SETBP1: variants seen among roughly 807,000 people sequenced by gnomAD.
SETBP1 encodes SET-binding protein.
A neutral mutation model predicts 101.0 loss-of-function variants in SETBP1; 9 were observed. The observed-to-expected ratio is 0.09, with a 90% CI of 0.05 to 0.16. The LOEUF is 0.16. Among genes scored for constraint, SETBP1 ranks in the 10% least tolerant of loss-of-function variants. The pLI is 1.00. For missense variants in SETBP1, 1,858 were observed against 2,033.8 expected (o/e 0.91, Z 1.66); for synonymous variants, 818 against 788.5 (o/e 1.04, Z -0.63).
intron 2 of SETBP1, among the ~76,000 whole-genome samples, chr18:44,824,396 T>G (rs2072187396): frequency 6.6e-6 from 1 of 152,184 alleles, no homozygotes; most frequent in South Asian, 2.1e-4. Context: ...TATGATTCAC[T>G]TGGGTTATTG....
At chr18:44,747,290 A>G (rs2070277200) in intron 2 of SETBP1, among the ~76,000 whole-genome samples, 1 of 152,216 alleles carries the variant, frequency 6.6e-6, no homozygotes, top group Admixed American at 6.5e-5. Context: ...TAAAGTTTAT[A>G]TTTAGAACAA....
At chr18:44,704,614 A>G (rs1298788303) in intron 2 of SETBP1, among the ~76,000 whole-genome samples, 1 of 152,240 alleles carries the variant, frequency 6.6e-6, no homozygotes, top group East Asian at 1.9e-4. Context: ...CTATGGGATG[A>G]GAATGTTAAC....
At chr18:44,995,351 C>T (rs1449535240) in intron 4 of SETBP1, among the ~76,000 whole-genome samples, 2 of 151,994 alleles carry the variant, frequency 1.3e-5, no homozygotes, top group African/African-American at 4.8e-5. Flanking sequence ...CAGTGTTAGC[C>T]AGGACGGTCT....
At chr18:44,860,133 C>A (rs2068970811) in intron 2 of SETBP1, among the ~76,000 whole-genome samples, 1 of 152,170 alleles carries the variant, frequency 6.6e-6, no homozygotes, top group Non-Finnish European at 1.5e-5. Flanking sequence ...GTGAGCAGAT[C>A]ATCTGGTCAG....
At chr18:44,875,457 G>T (rs1358690088) in intron 3 of SETBP1, among the ~76,000 whole-genome samples, 4 of 148,722 alleles carry the variant, frequency 2.7e-5, no homozygotes, top group Non-Finnish European at 5.9e-5. Context: ...GGAGGAGGTT[G>T]CCGAGATCGG....
At chr18:44,825,276 G>A (rs2072212443) in intron 2 of SETBP1, among the ~76,000 whole-genome samples, 1 of 152,204 alleles carries the variant, frequency 6.6e-6, no homozygotes, top group South Asian at 2.1e-4. Context: ...GGAGCTACCT[G>A]GCTCCTTCAA....
intron 2 of SETBP1, among the ~76,000 whole-genome samples, chr18:44,832,602 G>A (rs889970321): frequency 1.3e-5 from 2 of 152,190 alleles, no homozygotes; most frequent in African/African-American, 4.8e-5. Flanking sequence ...TATTTGCTAG[G>A]TAATGCTGAC....
chr18:44,877,093 G>C, intron 3 of SETBP1: 1 of 1,021,350 alleles, frequency 9.8e-7, no homozygotes, highest in African/African-American at 1.7e-5. Flanking sequence ...CCTTGTATCA[G>C]CTATGCCATG....
chr18:44,835,021 C>T (rs2072467546), intron 2 of SETBP1, among the ~76,000 whole-genome samples: 1 of 152,116 alleles, frequency 6.6e-6, no homozygotes. Flanking sequence ...GGAGGGAGAT[C>T]TTTATCAGAG....
intron 3 of SETBP1, among the ~76,000 whole-genome samples, chr18:44,881,367 G>T (rs1399070155): frequency 1.3e-5 from 2 of 152,138 alleles, no homozygotes; most frequent in Non-Finnish European, 2.9e-5. Flanking sequence ...ACGGGAGGGT[G>T]CTGGCAAAAA....
intron 4 of SETBP1, among the ~76,000 whole-genome samples, chr18:45,036,930 G>A (rs1001314363): frequency 6.6e-6 from 1 of 152,326 alleles, no homozygotes; most frequent in Admixed American, 6.5e-5. Flanking sequence ...GACATTAATA[G>A]CTGTATGAGT....
At chr18:44,799,368 T>C (rs2071550202) in intron 2 of SETBP1, among the ~76,000 whole-genome samples, 2 of 152,076 alleles carry the variant, frequency 1.3e-5, no homozygotes, top group Admixed American at 1.3e-4. Context: ...AGATCAAGTA[T>C]AGGTTTTTTT....
chr18:44,999,619 A>G (rs2072573720), intron 4 of SETBP1, among the ~76,000 whole-genome samples: 1 of 152,218 alleles, frequency 6.6e-6, no homozygotes, highest in Non-Finnish European at 1.5e-5. Context: ...CCTCAGAGAT[A>G]ACTCGCAACG....
Position 44,946,787 on chromosome 18 carries a change from G to A in SETBP1, c.541-3094G>A, listed in dbSNP as rs145220654. ...AGTCTCTGACCTCAAAGTACTTATA[G>A]TCTAGGAAAAGGAGACAGAAAAGTA... On this transcript the variant is annotated intron_variant, in intron 3 of 5. Transcript: ENST00000649279. 1.1e-3 allele frequency among the ~76,000 whole-genome samples: 168 copies of A among 152,264 alleles called. 1 individual carries two copies. Among genetic ancestry groups the A allele is most frequent in the African/African-American group, 3.9e-3 (164 of 41,544 alleles).
chr18:44,988,868 G>T (rs1185906344), intron 4 of SETBP1: 1 of 152,144 alleles, frequency 6.6e-6, no homozygotes, highest in Non-Finnish European at 1.5e-5. Context: ...GGTCAGGGGA[G>T]CAGGGTCAAA....
At chr18:44,896,579 G>A (rs559190057) in intron 3 of SETBP1, among the ~76,000 whole-genome samples, 2 of 152,056 alleles carry the variant, frequency 1.3e-5, no homozygotes, top group African/African-American at 2.4e-5. Flanking sequence ...TACAACCTCT[G>A]CCTCCTGGGT....
At chr18:44,895,542 A>G (rs1213766708) in intron 3 of SETBP1, among the ~76,000 whole-genome samples, 1 of 152,136 alleles carries the variant, frequency 6.6e-6, no homozygotes, top group Non-Finnish European at 1.5e-5. Flanking sequence ...GACCTTTGAC[A>G]GCAGAAGTGA....
intron 5 of SETBP1, among the ~76,000 whole-genome samples, chr18:45,055,441 T>C: frequency 6.6e-6 from 1 of 152,340 alleles, no homozygotes; most frequent in African/African-American, 2.4e-5. Flanking sequence ...TTACCTATTA[T>C]TAATGAAACA....
intron 4 of SETBP1, among the ~76,000 whole-genome samples, chr18:45,033,693 T>C (rs1358634776): frequency 6.6e-6 from 1 of 152,240 alleles, no homozygotes; most frequent in Non-Finnish European, 1.5e-5. Context: ...ATTAATCACA[T>C]ACTATCTGCC....
Sources: gnomAD v4.1 joint callset for allele counts (sites outside exome capture counted in the v4.1 genomes callset) on GRCh38, gnomAD v4.1.1 for gene constraint, MANE v1.5 for transcripts, NCBI Gene and HGNC (gene_info 2026-07-23, HGNC 2026-07-21) for gene names.